RFX7: variants seen among roughly 807,000 people sequenced by gnomAD.
RFX7 encodes the protein DNA-binding protein RFX7.
RFX7 carries 26 observed loss-of-function variants against 111.8 expected under a neutral mutation model. The observed-to-expected ratio is 0.23, with a 90% CI of 0.17 to 0.32. The LOEUF (loss-of-function observed/expected upper bound fraction) is 0.32, where lower values mean the gene tolerates loss of function less well. Among genes scored for constraint, RFX7 ranks in the 10% least tolerant of loss-of-function variants. RFX7 has a pLI of 1.00. For synonymous variants in RFX7, 624 were observed against 624.4 expected, an observed-to-expected ratio of 1.00 and a Z score of 0.01; for missense variants, 1,573 against 1,772.9, an observed-to-expected ratio of 0.89 and a Z score of 2.02.
chr15:56,137,064 T>A (rs1370374642), intron 5 of RFX7, among the ~76,000 whole-genome samples: 1 of 152,202 alleles, frequency 6.6e-6, no homozygotes, highest in Non-Finnish European at 1.5e-5. Context: ...TCAAGGATAT[T>A]GGTCTAAAAT....
chr15:56,181,322 C>T (rs1391610729), intron 2 of RFX7, among the ~76,000 whole-genome samples: 2 of 152,194 alleles, frequency 1.3e-5, no homozygotes, highest in Non-Finnish European at 2.9e-5. Context: ...TCCATGTTAT[C>T]TTCAACAGAC....
At chr15:56,200,713 T>C (rs1037122583) in intron 2 of RFX7, among the ~76,000 whole-genome samples, 16 of 151,610 alleles carry the variant, frequency 1.1e-4, no homozygotes, top group African/African-American at 1.2e-4. Flanking sequence ...GCAGGAGAAA[T>C]GCTTGAATGA....
rs1012979479 is a variant in RFX7, at chr15:56,088,363, A to G, written c.*4982T>C. ...ATAATACTCGCTAAAAATTGTTACA[A>G]TGAGGACATGAGAATATATGCAAAC... is the stretch of plus-strand genomic sequence containing the variant. On this transcript the variant is annotated 3_prime_UTR_variant, in exon 10 of 10. Transcript: ENST00000559447. 6.5e-6 allele frequency: 1 copy of G among 152,842 alleles called. No homozygotes were observed. The highest frequency in any genetic ancestry group is 1.5e-5 in the Non-Finnish European group (1 of 68,550). The allele number at this position is 152,842 out of a possible 1,614,324, so 9.5% of individuals were successfully genotyped here.
chr15:56,195,388 T>C (rs1487550109), intron 2 of RFX7, among the ~76,000 whole-genome samples: 1 of 152,194 alleles, frequency 6.6e-6, no homozygotes, highest in African/African-American at 2.4e-5. Context: ...ATGTGGTTAA[T>C]TTTTATGTTA....
At chr15:56,099,117 A>T (rs1346167401) in intron 8 of RFX7, among the ~76,000 whole-genome samples, 4 of 152,208 alleles carry the variant, frequency 2.6e-5, no homozygotes, top group African/African-American at 9.6e-5. Flanking sequence ...TAAAATAAAA[A>T]TTTTTTAAAA....
intron 5 of RFX7, among the ~76,000 whole-genome samples, chr15:56,138,449 T>G (rs1207449845): frequency 6.7e-6 from 1 of 150,034 alleles, no homozygotes; most frequent in African/African-American, 2.4e-5. Flanking sequence ...CCTGCCTTTT[T>G]TTGTTTTCCA....
chr15:56,109,019 T>TTCTCCC lies in RFX7; in HGVS notation c.402-5355_402-5350dup, dbSNP rs142607700. Among the ~76,000 whole-genome samples the TTCTCCC allele has an allele frequency of 4.2e-3, 631 of 150,732 alleles. 8 individuals carry two copies. The highest frequency in any genetic ancestry group is 0.015 in the African/African-American group (611 of 40,862). ...AGGACCTCTTCAAGAACTACAAACC[T>TTCTCCC]TCTCCCTCTCCCTCTCCCTCTCCCA... On this transcript the variant is annotated intron_variant, in intron 5 of 9. Transcript: ENST00000559447.
At chr15:56,108,879 C>T (rs955923295) in intron 5 of RFX7, among the ~76,000 whole-genome samples, 4 of 152,192 alleles carry the variant, frequency 2.6e-5, no homozygotes, top group Non-Finnish European at 1.5e-5. Flanking sequence ...ATGCAAAAAT[C>T]ACAAGCATTC....
intron 5 of RFX7, among the ~76,000 whole-genome samples, chr15:56,130,032 A>C (rs1202047488): frequency 6.6e-6 from 1 of 152,206 alleles, no homozygotes; most frequent in East Asian, 1.9e-4. Flanking sequence ...TCTACTAAGG[A>C]TACAAAATCA....
chr15:56,236,878 T>C (rs931605972), intron 2 of RFX7, among the ~76,000 whole-genome samples: 1 of 152,212 alleles, frequency 6.6e-6, no homozygotes, highest in Non-Finnish European at 1.5e-5. Context: ...AGCCTTACTT[T>C]TGCACAATAA....
intron 2 of RFX7, 81 bp from the exon 3 acceptor site, chr15:56,179,384 T>C: frequency 3.7e-6 from 2 of 534,018 alleles, no homozygotes; most frequent in South Asian, 2.2e-5. Context: ...TGTGGTAATT[T>C]AGTCTTCCTT....
chr15:56,212,462 G>A lies in RFX7; in HGVS notation c.161+30663C>T, dbSNP rs190955680. ...CATTATATATCTGACCAAACCCATA[G>A]AATGTGTAACACCCGGAGTGAAGCT... On this transcript the variant is annotated intron_variant, in intron 2 of 9. Coordinates refer to ENST00000559447, the MANE Select transcript of RFX7 (RefSeq NM_022841.7). Among the ~76,000 whole-genome samples the A allele has an allele frequency of 1.5e-4, 23 of 152,224 alleles. 1 individual carries two copies. The East Asian group carries it at 4.1e-3, about 27-fold the overall frequency.
chr15:56,125,610 AGTGTGTGTGTGTGTGT>A (rs10564650), intron 5 of RFX7, among the ~76,000 whole-genome samples: 26 of 147,050 alleles, frequency 1.8e-4, no homozygotes, highest in African/African-American at 6.0e-4. Flanking sequence ...TGTGTGTGTG[AGTGTGTGTGTGTGTGT>A]GTGTGTGTGT....
At chr15:56,193,497 T>G (rs1396126350) in intron 2 of RFX7, among the ~76,000 whole-genome samples, 1 of 152,238 alleles carries the variant, frequency 6.6e-6, no homozygotes, top group African/African-American at 2.4e-5. Context: ...GCATTGAACT[T>G]CCTGTTTTGC....
chr15:56,110,151 C>T (rs1487379708), intron 5 of RFX7, among the ~76,000 whole-genome samples: 21 of 130,510 alleles, frequency 1.6e-4, no homozygotes, highest in Admixed American at 1.2e-3. Context: ...GGGGGGTCAG[C>T]CCCCCGCCTG....
chr15:56,212,322 C>G (rs1198394531), intron 2 of RFX7, among the ~76,000 whole-genome samples: 1 of 152,006 alleles, frequency 6.6e-6, no homozygotes, highest in Non-Finnish European at 1.5e-5. Flanking sequence ...AGAGACAGTA[C>G]AAAGATCAGT....
intron 5 of RFX7, among the ~76,000 whole-genome samples, chr15:56,119,902 G>T (rs2042054565): frequency 6.6e-6 from 1 of 151,846 alleles, no homozygotes; most frequent in African/African-American, 2.4e-5. Context: ...ATGCTGTTTT[G>T]GTTACTACAG....
intron 5 of RFX7, among the ~76,000 whole-genome samples, chr15:56,141,522 C>G (rs1299765646): frequency 6.6e-6 from 1 of 151,534 alleles, no homozygotes; most frequent in African/African-American, 2.4e-5. Flanking sequence ...GATCTTCAAT[C>G]CAGAGTTTCA....
chr15:56,238,523 ATC>A (rs1225538979), intron 2 of RFX7, among the ~76,000 whole-genome samples: 2 of 152,180 alleles, frequency 1.3e-5, no homozygotes, highest in African/African-American at 4.8e-5. Flanking sequence ...AATCAGTAGA[ATC>A]TTATAGGTCT....
Sources: gnomAD v4.1 joint callset for allele counts (sites outside exome capture counted in the v4.1 genomes callset) on GRCh38, gnomAD v4.1.1 for gene constraint, MANE v1.5 for transcripts, NCBI Gene and HGNC (gene_info 2026-07-23, HGNC 2026-07-21) for gene names.